The following LRP1B variants were observed in gnomAD, a reference collection of about 807,000 sequenced individuals.
LRP1B encodes the protein LDL receptor related protein 1B.
In LRP1B, 217 loss-of-function variants were observed where a neutral mutation model predicts 556.6. That is an observed-to-expected ratio of 0.39 (90% CI 0.35 to 0.44). The LOEUF is 0.44. Ranked by LOEUF, LRP1B falls within the 20% of genes least tolerant of loss-of-function variation. The probability of loss-of-function intolerance (pLI) is 1.00; values close to 1 mark genes in which losing one functional copy is unlikely to be tolerated. For missense variants in LRP1B, 5,053 were observed against 5,620.8 expected, an observed-to-expected ratio of 0.90 and a Z score of 3.23; for synonymous variants, 2,047 against 1,865.8, an observed-to-expected ratio of 1.10 and a Z score of -2.50.
chr2:140,723,876 CT>C (rs1303963690), intron 35 of LRP1B, among the ~76,000 whole-genome samples: 1 of 152,126 alleles, frequency 6.6e-6, no homozygotes, highest in Admixed American at 6.6e-5. Flanking sequence ...TCATTACAAA[CT>C]TTTTTTACCT....
intron 1 of LRP1B, among the ~76,000 whole-genome samples, chr2:142,010,573 A>G (rs894459724): frequency 2.7e-5 from 4 of 150,668 alleles, no homozygotes; most frequent in East Asian, 1.9e-4. Context: ...AAAAAAAAAA[A>G]AAAAAAGAAA....
intron 1 of LRP1B, among the ~76,000 whole-genome samples, chr2:141,988,550 T>C (rs1412340774): frequency 6.6e-6 from 1 of 152,002 alleles, no homozygotes; most frequent in Non-Finnish European, 1.5e-5. Flanking sequence ...TGTATGTAAT[T>C]GGTTATGGGT....
At chr2:141,869,080 T>A (rs567382703) in intron 1 of LRP1B, among the ~76,000 whole-genome samples, 2 of 152,164 alleles carry the variant, frequency 1.3e-5, no homozygotes, top group South Asian at 2.1e-4. Flanking sequence ...CAAATATAGA[T>A]GAAAAAAATC....
chr2:140,678,654 A>G (rs1204908785), intron 41 of LRP1B, among the ~76,000 whole-genome samples: 1 of 152,222 alleles, frequency 6.6e-6, no homozygotes, highest in Admixed American at 6.5e-5. Context: ...GCCATAACAA[A>G]ATACCAGCGA....
At chr2:141,575,289 A>G (rs181054533) in intron 2 of LRP1B, among the ~76,000 whole-genome samples, 1,634 of 152,162 alleles carry the variant, frequency 0.011, 14 homozygotes, top group Middle Eastern at 0.017. Context: ...CAGGACAGAC[A>G]CCTTAGAAAT....
chr2:140,726,626 T>C (rs775252119), intron 35 of LRP1B, among the ~76,000 whole-genome samples: 1 of 152,226 alleles, frequency 6.6e-6, no homozygotes, highest in Admixed American at 6.5e-5. Context: ...ATATGTTTCA[T>C]ATGTGTCATA....
intron 2 of LRP1B, among the ~76,000 whole-genome samples, chr2:141,719,990 T>C (rs1181380767): frequency 6.6e-6 from 1 of 152,086 alleles, no homozygotes; most frequent in African/African-American, 2.4e-5. Context: ...TATCCTTGCA[T>C]CTAAAATAAA....
chr2:141,550,150 A>G (rs1045635427), intron 2 of LRP1B, among the ~76,000 whole-genome samples: 1 of 152,184 alleles, frequency 6.6e-6, no homozygotes, highest in African/African-American at 2.4e-5. Context: ...CAAATTCATG[A>G]CTAATTTATC....
chr2:140,520,810 A>AAG (rs1690135160), intron 49 of LRP1B, among the ~76,000 whole-genome samples: 3 of 150,070 alleles, frequency 2.0e-5, no homozygotes, highest in African/African-American at 7.3e-5. Context: ...AAAAAAAAAA[A>AAG]AAAAGAAAAT....
chr2:140,829,599 CAT>C (rs140083742), intron 31 of LRP1B, among the ~76,000 whole-genome samples: 2,809 of 151,986 alleles, frequency 0.018, 43 homozygotes, highest in South Asian at 0.051. Context: ...ATTAGAAAAA[CAT>C]AACATACCAA....
chr2:140,778,452 A>C (rs1689574308), intron 32 of LRP1B, among the ~76,000 whole-genome samples: 1 of 152,110 alleles, frequency 6.6e-6, no homozygotes, highest in African/African-American at 2.4e-5. Context: ...AATACCTAAA[A>C]ATTTTTCTAA....
In LRP1B at chr2:141,492,091, A is replaced by AAAAAAAAAAAAAAAAAAAC. The variant is rs67960557; in HGVS notation, c.206-11559_206-11558insGTTTTTTTTTTTTTTTTTT. ...TATTTAGCTTTCTGAAAAAAAAAAA[A>AAAAAAAAAAAAAAAAAAAC]CACTAAGAAAACCAACATTTGATGA... On this transcript the variant is annotated intron_variant, in intron 2 of 90. Coordinates refer to ENST00000389484, the MANE Select transcript of LRP1B (RefSeq NM_018557.3). Among the ~76,000 whole-genome samples, 14 of 100,186 alleles carry AAAAAAAAAAAAAAAAAAAC rather than the reference A, an allele frequency of 1.4e-4. 2 individuals are homozygous for AAAAAAAAAAAAAAAAAAAC. Among genetic ancestry groups the AAAAAAAAAAAAAAAAAAAC allele is most frequent in the African/African-American group, 2.7e-4 (7 of 25,902 alleles). 65.7% of individuals were successfully genotyped at this position (100,186 alleles called of 152,430 possible).
At chr2:140,599,500 A>T (rs1682570493) in intron 42 of LRP1B, among the ~76,000 whole-genome samples, 1 of 152,092 alleles carries the variant, frequency 6.6e-6, no homozygotes, top group Non-Finnish European at 1.5e-5. Context: ...GCAGTTTAGC[A>T]TTACAGCCAA....
chr2:141,312,877 C>T (rs1218621884), intron 3 of LRP1B, among the ~76,000 whole-genome samples: 2 of 151,976 alleles, frequency 1.3e-5, no homozygotes, highest in Non-Finnish European at 2.9e-5. Flanking sequence ...GACGGGGTTT[C>T]ACCATGTTGG....
intron 6 of LRP1B, among the ~76,000 whole-genome samples, chr2:141,200,048 A>G (rs1681935420): frequency 6.6e-6 from 1 of 152,232 alleles, no homozygotes; most frequent in Admixed American, 6.5e-5. Context: ...TAGAACTACC[A>G]TTGGACCCAG....
intron 23 of LRP1B, among the ~76,000 whole-genome samples, chr2:140,900,441 A>T (rs1321622629): frequency 6.6e-6 from 1 of 152,248 alleles, no homozygotes; most frequent in Non-Finnish European, 1.5e-5. Flanking sequence ...CAAGCCAATT[A>T]CTTTGTGTGA....
At chr2:141,044,537 T>C (rs1205659900) in intron 11 of LRP1B, among the ~76,000 whole-genome samples, 4 of 149,500 alleles carry the variant, frequency 2.7e-5, no homozygotes, top group African/African-American at 7.3e-5. Flanking sequence ...AAAGGGCTAA[T>C]ATCCAGAATC....
intron 3 of LRP1B, among the ~76,000 whole-genome samples, chr2:141,447,976 G>A (rs1559075490): frequency 6.6e-6 from 1 of 152,316 alleles, no homozygotes; most frequent in East Asian, 1.9e-4. Flanking sequence ...TTCAGAGCTG[G>A]TAGGCAGGAA....
chr2:141,387,895 A>G (rs1689889721), intron 3 of LRP1B, among the ~76,000 whole-genome samples: 1 of 152,144 alleles, frequency 6.6e-6, no homozygotes, highest in Non-Finnish European at 1.5e-5. Context: ...ATAGAAACCA[A>G]AAACAATCAA....
Sources: gnomAD v4.1 joint callset for allele counts (sites outside exome capture counted in the v4.1 genomes callset) on GRCh38, gnomAD v4.1.1 for gene constraint, MANE v1.5 for transcripts, NCBI Gene and HGNC (gene_info 2026-07-23, HGNC 2026-07-21) for gene names.